Variants in SCOC observed in about 807,000 individuals in gnomAD.
SCOC encodes short coiled-coil protein.
A neutral mutation model predicts 9.9 loss-of-function variants in SCOC; 7 were observed. The ratio of observed to expected loss-of-function variants is 0.71; its 90% CI spans 0.40 to 1.33. The LOEUF is 1.33. SCOC is among the 40% of genes most tolerant of loss of function. The pLI is 0.01. For synonymous variants in SCOC, 19 were observed against 28.2 expected, an observed-to-expected ratio of 0.67 and a Z score of 1.03; for missense variants, 66 against 89.7, an observed-to-expected ratio of 0.74 and a Z score of 1.07.
chr4:140,352,056 A>G (rs1042343286), intron 2 of SCOC, among the ~76,000 whole-genome samples: 2 of 152,214 alleles, frequency 1.3e-5, no homozygotes, highest in African/African-American at 4.8e-5. Flanking sequence ...GAGTGGGGAC[A>G]TGGTTAAATA....
chr4:140,353,345 A>C (rs1417371649), intron 2 of SCOC, among the ~76,000 whole-genome samples: 1 of 152,062 alleles, frequency 6.6e-6, no homozygotes, highest in African/African-American at 2.4e-5. Flanking sequence ...TATTGTAAAA[A>C]CTGCTCCAGA....
intron 1 of SCOC, among the ~76,000 whole-genome samples, chr4:140,317,606 C>G (rs955996498): frequency 6.7e-6 from 1 of 149,338 alleles, no homozygotes; most frequent in Non-Finnish European, 1.5e-5. Flanking sequence ...GCTGACGCTC[C>G]CAGCTGAATA....
At chr4:140,365,868 G>A (rs1445840895) in intron 2 of SCOC, among the ~76,000 whole-genome samples, 2 of 152,162 alleles carry the variant, frequency 1.3e-5, no homozygotes, top group African/African-American at 2.4e-5. Context: ...TATTGGTAGT[G>A]CTTCCAGTCA....
intron 1 of SCOC, among the ~76,000 whole-genome samples, chr4:140,309,162 A>C (rs1400125065): frequency 6.6e-6 from 1 of 152,240 alleles, no homozygotes; most frequent in African/African-American, 2.4e-5. Context: ...CAGCTGTTTT[A>C]CAGGTGAAGA....
upstream of SCOC, among the ~76,000 whole-genome samples, chr4:140,371,745 A>C (rs1728066602): frequency 6.6e-6 from 1 of 152,244 alleles, no homozygotes; most frequent in Admixed American, 6.5e-5. Flanking sequence ...AGCACAAATT[A>C]ACACACACTT....
At chr4:140,285,688 G>T (rs1018439161) in intron 1 of SCOC, among the ~76,000 whole-genome samples, 1 of 152,170 alleles carries the variant, frequency 6.6e-6, no homozygotes, top group Non-Finnish European at 1.5e-5. Flanking sequence ...ATACAGGCTA[G>T]GTAGGTTAGA....
intron 1 of SCOC, among the ~76,000 whole-genome samples, chr4:140,266,629 C>T (rs1730732651): frequency 6.6e-6 from 1 of 152,166 alleles, no homozygotes; most frequent in African/African-American, 2.4e-5. Context: ...AGTTCAGTTT[C>T]CTTCTATTAA....
chr4:140,333,929 T>C (rs997874938), intron 1 of SCOC, among the ~76,000 whole-genome samples: 3 of 152,186 alleles, frequency 2.0e-5, no homozygotes, highest in African/African-American at 7.2e-5. Context: ...ATTATTAATA[T>C]TTTTAAGAGA....
intron 1 of SCOC, among the ~76,000 whole-genome samples, chr4:140,261,175 G>A (rs1309749251): frequency 6.6e-6 from 1 of 152,226 alleles, no homozygotes; most frequent in Non-Finnish European, 1.5e-5. Context: ...TCCAAAGTTT[G>A]TAGACATTAT....
At chr4:140,336,792 A>C (rs1732970244) in intron 1 of SCOC, among the ~76,000 whole-genome samples, 1 of 152,150 alleles carries the variant, frequency 6.6e-6, no homozygotes, top group South Asian at 2.1e-4. Context: ...TAACTTTTTG[A>C]GGAACTGCCA....
At chr4:140,362,348 T>A (rs532650391) in intron 2 of SCOC, among the ~76,000 whole-genome samples, 2 of 109,236 alleles carry the variant, frequency 1.8e-5, no homozygotes, top group Admixed American at 1.1e-4. Flanking sequence ...CAGGCTGGAG[T>A]GCAGTAGTGT....
intron 2 of SCOC, among the ~76,000 whole-genome samples, chr4:140,346,043 G>C (rs1274332084): frequency 1.3e-5 from 2 of 152,050 alleles, no homozygotes; most frequent in Non-Finnish European, 2.9e-5. Context: ...ACTTGCTTAA[G>C]GCCTCTCCAG....
intron 1 of SCOC, among the ~76,000 whole-genome samples, chr4:140,332,802 A>G (rs541503420): frequency 7.9e-5 from 12 of 152,270 alleles, no homozygotes; most frequent in African/African-American, 2.9e-4. Context: ...TCAAGTCCAG[A>G]TCACAGCATC....
intron 1 of SCOC, among the ~76,000 whole-genome samples, chr4:140,259,099 T>C (rs1170773404): frequency 1.3e-5 from 2 of 152,220 alleles, no homozygotes; most frequent in Admixed American, 1.3e-4. Flanking sequence ...CTGAAGCTAA[T>C]ATAAGTCAAG....
At chr4:140,260,317 A>G (rs1468670194) in intron 1 of SCOC, among the ~76,000 whole-genome samples, 1 of 152,234 alleles carries the variant, frequency 6.6e-6, no homozygotes, top group African/African-American at 2.4e-5. Flanking sequence ...AGGAAGACAA[A>G]CTAGCGAAGC....
chr4:140,305,793 A>G (rs1309757019), intron 1 of SCOC, among the ~76,000 whole-genome samples: 7 of 152,182 alleles, frequency 4.6e-5, no homozygotes, highest in African/African-American at 1.7e-4. Context: ...CAAAGATTCC[A>G]TGATGTAAAG....
intron 2 of SCOC, among the ~76,000 whole-genome samples, chr4:140,353,943 A>T (rs547659565): frequency 6.6e-6 from 1 of 152,330 alleles, no homozygotes; most frequent in South Asian, 2.1e-4. Context: ...TGTCAGCTTA[A>T]TGACTTTGGC....
intron 1 of SCOC, among the ~76,000 whole-genome samples, chr4:140,267,261 A>G (rs1730749059): frequency 6.6e-6 from 1 of 152,120 alleles, no homozygotes; most frequent in African/African-American, 2.4e-5. Context: ...TGGAGATTTG[A>G]TGGGAGCGGA....
chr4:140,365,477 A>G (rs1054214173), intron 2 of SCOC, among the ~76,000 whole-genome samples: 9 of 152,248 alleles, frequency 5.9e-5, no homozygotes, highest in African/African-American at 1.4e-4. Context: ...CACTGAAACC[A>G]AAGCAGTGGA....
Sources: allele counts gnomAD v4.1 joint callset (sites outside exome capture counted in the v4.1 genomes callset), GRCh38; gene constraint gnomAD v4.1.1; transcripts MANE v1.5; gene names NCBI Gene and HGNC (gene_info 2026-07-23, HGNC 2026-07-21).